The following MAP7 variants were observed in gnomAD, a reference collection of about 807,000 sequenced individuals.
The protein encoded by MAP7 is ensconsin.
In MAP7, 52 loss-of-function variants were observed where a neutral mutation model predicts 94.8. That is an observed-to-expected ratio of 0.55 (90% CI 0.44 to 0.69). The LOEUF (loss-of-function observed/expected upper bound fraction) is 0.69. Ranked by LOEUF, MAP7 falls within the 30% of genes least tolerant of loss-of-function variation. The probability of loss-of-function intolerance (pLI) is 0.00; values close to 1 mark genes in which losing one functional copy is unlikely to be tolerated. For synonymous variants in MAP7, 350 were observed against 357.0 expected (o/e 0.98, Z 0.22); for missense variants, 940 against 964.6 (o/e 0.97, Z 0.34).
chr6:136,384,467 TC>T (rs1778628651), intron 5 of MAP7, among the ~76,000 whole-genome samples: 1 of 151,948 alleles, frequency 6.6e-6, no homozygotes, highest in Non-Finnish European at 1.5e-5. Context: ...GCATTGTTCA[TC>T]CTATAGTCAA....
chr6:136,387,660 A>G (rs1316171452), intron 5 of MAP7, among the ~76,000 whole-genome samples: 1 of 152,168 alleles, frequency 6.6e-6, no homozygotes, highest in African/African-American at 2.4e-5. Flanking sequence ...GTGGTGGTCC[A>G]GGCCTGCTAA....
chr6:136,472,281 T>G lies in MAP7; in HGVS notation c.68-50482A>C, dbSNP rs3799440. Among the ~76,000 whole-genome samples the G allele has an allele frequency of 8.8e-3, 1,338 of 152,232 alleles. 7 individuals are homozygous for G. The highest frequency in any genetic ancestry group is 0.039 in the East Asian group (204 of 5,182). ...GAGAGGATTTCACTGATACAGAGGA[T>G]TAATGGGAGAGCCTGACAGCTGGAG... On this transcript the variant is annotated intron_variant, in intron 1 of 17. Coordinates refer to ENST00000354570, the MANE Select transcript of MAP7 (RefSeq NM_003980.6).
intron 1 of MAP7, among the ~76,000 whole-genome samples, chr6:136,441,866 G>C (rs1168728062): frequency 1.3e-5 from 2 of 152,108 alleles, no homozygotes; most frequent in East Asian, 3.9e-4. Context: ...AATAAAATTA[G>C]TTGGGCATGG....
In MAP7 at chr6:136,365,871, C is replaced by T. The variant is rs202173300; in HGVS notation, c.1137G>A (p.Glu379=). 1.9e-6 allele frequency: 3 copies of T among 1,614,176 alleles called. No individual in the cohort carries two copies. The highest frequency in any genetic ancestry group is 2.5e-6 in the Non-Finnish European group (3 of 1,180,040). The change falls in exon 10 of 18, where the codon GAG becomes GAA. Residue 379 remains glutamate (E), a synonymous_variant. Coordinates refer to ENST00000354570, the MANE Select transcript of MAP7 (RefSeq NM_003980.6). ...IRPVKREVKV[E]PEKKDPEKEP... is the part of the protein sequence containing the mutation. ...CCTTCTCAGGATCTTTCTTCTCAGG[C>T]TCCACTTTGACTTCCCTCTTGACAG...
intron 1 of MAP7, among the ~76,000 whole-genome samples, chr6:136,456,219 C>T (rs893008628): frequency 5.3e-5 from 8 of 152,002 alleles, no homozygotes; most frequent in Non-Finnish European, 1.2e-4. Flanking sequence ...GCTGGAAAAC[C>T]TGAAATGAGT....
chr6:136,432,946 C>T (rs1795367991), intron 1 of MAP7, among the ~76,000 whole-genome samples: 1 of 152,100 alleles, frequency 6.6e-6, no homozygotes, highest in Non-Finnish European at 1.5e-5. Flanking sequence ...CACTATGTTG[C>T]TCAGGCTGGT....
intron 3 of MAP7, among the ~76,000 whole-genome samples, chr6:136,409,768 T>A (rs1234394085): frequency 6.6e-6 from 1 of 152,110 alleles, no homozygotes; most frequent in Non-Finnish European, 1.5e-5. Context: ...TTATCTGCCT[T>A]TCACTAGACT....
chr6:136,484,090 G>A lies in MAP7; in HGVS notation c.68-62291C>T, dbSNP rs1813817069. On this transcript the variant is annotated intron_variant, in intron 1 of 17. Transcript: ENST00000354570. ...AATTTCTTGAGACCACGCATCAGTTGACTTGAGATTCTTATTCTTGGCTCA... is the reference window on the plus strand; with the variant it reads ...AATTTCTTGAGACCACGCATCAGTTAACTTGAGATTCTTATTCTTGGCTCA... Among the ~76,000 whole-genome samples, 3 of 152,176 alleles carry A rather than the reference G, an allele frequency of 2.0e-5. No individual in the cohort carries two copies. In the South Asian group the frequency reaches 6.2e-4, roughly 31 times the overall value.
chr6:136,479,328 T>G (rs1030643491), intron 1 of MAP7, among the ~76,000 whole-genome samples: 1 of 152,088 alleles, frequency 6.6e-6, no homozygotes, highest in Non-Finnish European at 1.5e-5. Context: ...ATAAAAATCC[T>G]AAAAAACTGG....
chr6:136,400,918 C>T (rs928877464), intron 3 of MAP7, among the ~76,000 whole-genome samples: 14 of 152,186 alleles, frequency 9.2e-5, no homozygotes, highest in African/African-American at 2.7e-4. Context: ...CTTTGTCTTC[C>T]GTATTCTGAT....
chr6:136,494,886 A>G (rs1401854777), intron 1 of MAP7, among the ~76,000 whole-genome samples: 1 of 152,232 alleles, frequency 6.6e-6, no homozygotes, highest in East Asian at 1.9e-4. Flanking sequence ...AATACAGAGC[A>G]TGGGTGTCCA....
At chr6:136,346,543 T>C (rs538582102) in intron 16 of MAP7, among the ~76,000 whole-genome samples, 5 of 152,292 alleles carry the variant, frequency 3.3e-5, no homozygotes, top group Non-Finnish European at 5.9e-5. Flanking sequence ...GCCTGGGCTA[T>C]GGAGTAAGAC....
chr6:136,357,550 A>G (rs902480732), intron 15 of MAP7, among the ~76,000 whole-genome samples: 1 of 152,076 alleles, frequency 6.6e-6, no homozygotes. Flanking sequence ...GCTGCAGTGC[A>G]GTGGTGTGAT....
intron 16 of MAP7, among the ~76,000 whole-genome samples, chr6:136,351,801 T>C (rs1789284817): frequency 6.6e-6 from 1 of 152,214 alleles, no homozygotes; most frequent in Non-Finnish European, 1.5e-5. Context: ...ATAATTATCC[T>C]TTGCCACTGC....
intron 1 of MAP7, among the ~76,000 whole-genome samples, chr6:136,520,525 G>T (rs542120248): frequency 6.6e-6 from 1 of 152,202 alleles, no homozygotes; most frequent in Non-Finnish European, 1.5e-5. Context: ...CCCTTACAAA[G>T]CTTACAGTGT....
At chr6:136,365,708 C>G (rs768949864) in intron 10 of MAP7, 27 bp downstream of exon 10, 1 of 1,603,836 alleles carries the variant, frequency 6.2e-7, no homozygotes, top group South Asian at 1.1e-5. Context: ...GAGAGAGCAC[C>G]CAGACCACAG....
intron 1 of MAP7, among the ~76,000 whole-genome samples, chr6:136,506,966 C>T (rs777825755): frequency 1.3e-5 from 2 of 152,212 alleles, no homozygotes; most frequent in Non-Finnish European, 2.9e-5. Context: ...AACCTCACTT[C>T]CAATTCCTGT....
At chr6:136,414,252 CAAAAAAAAAAAAAAA>C (rs559869492) in intron 2 of MAP7, among the ~76,000 whole-genome samples, 461 of 15,978 alleles carry the variant, frequency 0.029, 24 homozygotes, top group African/African-American at 0.053. Context: ...GACTCCGTCT[CAAAAAAAAAAAAAAA>C]AAAAAAAAAA....
Position 136,421,780 on chromosome 6 carries a change from C to A in MAP7, c.87G>T (p.Val29=). 1 of 1,612,410 alleles carries A rather than the reference C, an allele frequency of 6.2e-7. No individual in the cohort carries two copies. The highest frequency in any genetic ancestry group is 8.5e-7 in the Non-Finnish European group (1 of 1,179,552). ...RSETAPDSYK[V]QDKKNASSRP... is the part of the protein sequence containing the mutation. The stretch of plus-strand genomic sequence containing the variant: ...GGCTGGAGGCATTTTTCTTATCTTG[C>A]ACTTTGTAGCTGTCGGGTGCTACAG... The change falls in exon 2 of 18, where the codon GTG becomes GTT. Residue 29 remains valine (V), a synonymous_variant. Transcript: ENST00000354570.
Sources: gnomAD v4.1 joint callset for allele counts (sites outside exome capture counted in the v4.1 genomes callset) on GRCh38, gnomAD v4.1.1 for gene constraint, MANE v1.5 for transcripts, NCBI Gene and HGNC (gene_info 2026-07-23, HGNC 2026-07-21) for gene names.